The following MYO19 variants were observed in gnomAD, a reference collection of about 807,000 sequenced individuals.
The protein encoded by MYO19 is myosin XIX, also known as unconventional myosin-XIX.
MYO19 carries 132 observed loss-of-function variants against 129.2 expected under a neutral mutation model. The ratio of observed to expected loss-of-function variants is 1.02; its 90% confidence interval spans 0.89 to 1.18. The LOEUF is 1.18. Ranked by LOEUF, MYO19 falls within the 50% of genes most tolerant of loss-of-function variation. The pLI is 0.00. For missense variants in MYO19, 1,210 were observed against 1,216.7 expected, an observed-to-expected ratio of 0.99 and a Z score of 0.08; for synonymous variants, 531 against 477.2, an observed-to-expected ratio of 1.11 and a Z score of -1.47.
upstream of MYO19, chr17:36,537,119 G>A: frequency 5.0e-6 from 8 of 1,592,634 alleles, no homozygotes; most frequent in Non-Finnish European, 6.8e-6. Context: ...AAAAGCAGAT[G>A]AAGGAAGCTT....
intron 6 of MYO19, among the ~76,000 whole-genome samples, chr17:36,518,234 A>C (rs1005158136): frequency 3.3e-5 from 5 of 151,922 alleles, no homozygotes; most frequent in Non-Finnish European, 7.4e-5. Flanking sequence ...CAATTTGGGA[A>C]GCTGAGGCGA....
At chr17:36,524,237 T>C (rs2073321081) in intron 6 of MYO19, among the ~76,000 whole-genome samples, 1 of 152,150 alleles carries the variant, frequency 6.6e-6, no homozygotes, top group African/African-American at 2.4e-5. Context: ...CAACTTACTG[T>C]CTTTGTTTTC....
At position 36,500,887 on chromosome 17, in the gene MYO19, G is replaced by A. The variant is rs376989253; in HGVS notation, c.2320C>T (p.Arg774Ter). ...CARCIQGGWR[R>*]HRHREQERQW... ...CGCTCCTGCTCTCGGTGCCGGTGTC[G>A]CCTCCAGCCACCCTGGATGCAGCGG... Residue 774 changes from arginine (R) to a stop codon, truncating the protein, a stop_gained, in exon 23 of 26, where the codon CGA (arginine) becomes TGA (stop). Coordinates refer to ENST00000614623, the MANE Select transcript of MYO19 (RefSeq NM_001163735.2). LOFTEE classifies it high-confidence loss of function. The A allele has an allele frequency of 2.4e-5, 39 of 1,606,534 alleles. No homozygotes were observed. Among genetic ancestry groups the A allele is most frequent in the African/African-American group, 2.1e-4 (16 of 74,846 alleles).
chr17:36,525,759 G>T (rs944131823), intron 5 of MYO19, among the ~76,000 whole-genome samples: 1 of 152,142 alleles, frequency 6.6e-6, no homozygotes, highest in Admixed American at 6.5e-5. Context: ...AAATAACCTT[G>T]CAAGGCCACT....
rs1262235554 is a variant in MYO19 at position 36,496,276 on chromosome 17, G to T, written c.2888C>A (p.Ser963Tyr). 1.2e-6 allele frequency: 2 copies of T among 1,613,926 alleles called. No individual in the cohort carries two copies. Among genetic ancestry groups the T allele is most frequent in the East Asian group, 2.2e-5 (1 of 44,896 alleles). Residue 963 changes from serine to tyrosine, a missense_variant, in exon 26 of 26, where the codon TCT (serine) becomes TAT (tyrosine). Coordinates refer to ENST00000614623, the MANE Select transcript of MYO19 (RefSeq NM_001163735.2). The stretch of plus-strand genomic sequence containing the variant: ...TCACCCCAGCCCAGTGAAGGCAGAA[G>T]AGGTCACGTGGATCAGCCTGTGTCT... ...LERHRLIHVTSSAFTGLG is the reference protein window; with the variant it reads ...LERHRLIHVTYSAFTGLG
intron 8 of MYO19, among the ~76,000 whole-genome samples, 189 bp from the exon 9 acceptor site, chr17:36,514,737 TAGC>T (rs1297275532): frequency 6.6e-6 from 1 of 152,236 alleles, no homozygotes; most frequent in Non-Finnish European, 1.5e-5. Flanking sequence ...CCCCTGCATC[TAGC>T]TCAGGTGGGC....
At chr17:36,507,326 C>T (rs2071980932) in intron 16 of MYO19, 73 bp downstream of exon 16, 1 of 1,475,636 alleles carries the variant, frequency 6.8e-7, no homozygotes. Context: ...AGAGAGGAAA[C>T]AGGATAATCA....
chr17:36,506,126 G>A (rs561612288), intron 18 of MYO19, among the ~76,000 whole-genome samples: 3 of 152,126 alleles, frequency 2.0e-5, no homozygotes, highest in African/African-American at 7.2e-5. Context: ...GGTAGGGTTA[G>A]AACAGGAAGC....
chr17:36,544,609 G>T (rs2074226671), upstream of MYO19, among the ~76,000 whole-genome samples: 1 of 152,166 alleles, frequency 6.6e-6, no homozygotes, highest in Non-Finnish European at 1.5e-5. Flanking sequence ...CTACATAGAC[G>T]ACACCCTGAC....
At chr17:36,511,110 C>T in intron 12 of MYO19, 193 bp from the exon 13 acceptor site, 1 of 685,392 alleles carries the variant, frequency 1.5e-6, no homozygotes, top group Non-Finnish European at 2.4e-6. Flanking sequence ...CTTTCATGTA[C>T]CAGTCCATGC....
At chr17:36,518,544 ATATATATATGTGTATGTG>A (rs1462657460) in intron 6 of MYO19, among the ~76,000 whole-genome samples, 1 of 107,294 alleles carries the variant, frequency 9.3e-6, no homozygotes, top group Non-Finnish European at 1.9e-5. Flanking sequence ...ATATATATAT[ATATATATATGTGTATGTG>A]TATATATATG....
chr17:36,509,221 C>T (rs2072144976), intron 13 of MYO19, 86 bp from the exon 14 acceptor site: 1 of 1,198,558 alleles, frequency 8.3e-7, no homozygotes, highest in South Asian at 1.3e-5. Context: ...CAGGGTGCTA[C>T]ACCCTGGGGG....
chr17:36,507,724 C>T, intron 15 of MYO19, 79 bp downstream of exon 15: 1 of 1,474,978 alleles, frequency 6.8e-7, no homozygotes, highest in Non-Finnish European at 9.0e-7. Flanking sequence ...CTAATCAGAA[C>T]CTGGACTGGG....
intron 15 of MYO19, 34 bp from the exon 16 acceptor site, chr17:36,507,546 C>T: frequency 6.3e-7 from 1 of 1,598,582 alleles, no homozygotes; most frequent in African/African-American, 1.3e-5. Context: ...TGGGAGAAGG[C>T]AGCTGTGGTC....
chr17:36,496,941 C>G (rs756763688), intron 25 of MYO19, among the ~76,000 whole-genome samples: 17 of 152,168 alleles, frequency 1.1e-4, no homozygotes, highest in Non-Finnish European at 2.4e-4. Context: ...TCCTCGGCCA[C>G]TTTAATTCTA....
chr17:36,502,797 A>G, intron 21 of MYO19: 1 of 448,274 alleles, frequency 2.2e-6, no homozygotes, highest in Non-Finnish European at 4.0e-6. Context: ...TTCAGATTAC[A>G]TTTATCATGT....
At chr17:36,518,007 T>C (rs746974584) in intron 6 of MYO19, among the ~76,000 whole-genome samples, 3 of 151,976 alleles carry the variant, frequency 2.0e-5, no homozygotes, top group Middle Eastern at 3.4e-3. Context: ...GGAGAATCGC[T>C]TGAACCCGGG....
chr17:36,498,808 T>G, intron 24 of MYO19: 1 of 595,696 alleles, frequency 1.7e-6, no homozygotes, highest in Non-Finnish European at 3.0e-6. Context: ...ATAACTGATA[T>G]GCCATAAAAC....
In MYO19 at chr17:36,495,962, A is replaced by AT. The variant is rs2070931445; in HGVS notation, c.*288dup. On this transcript the variant is annotated 3_prime_UTR_variant, in exon 26 of 26. Coordinates refer to ENST00000614623, the MANE Select transcript of MYO19 (RefSeq NM_001163735.2). The stretch of plus-strand genomic sequence containing the variant: ...ATCCCCAGTGTAGTGACAGACAGTC[A>AT]TGACTGCTGCTGAGTTTGATCTGTG... 1 of 904,864 alleles carries AT rather than the reference A, an allele frequency of 1.1e-6. No individual in the cohort carries two copies. The allele number at this position is 904,864 out of a possible 1,614,324, so 56.1% of individuals were successfully genotyped here.
Sources: allele counts gnomAD v4.1 joint callset (sites outside exome capture counted in the v4.1 genomes callset), GRCh38; gene constraint gnomAD v4.1.1; transcripts MANE v1.5; gene names NCBI Gene and HGNC (gene_info 2026-07-23, HGNC 2026-07-21).